TTC7A: variants seen among roughly 807,000 people sequenced by gnomAD.
The protein encoded by TTC7A is tetratricopeptide repeat protein 7A.
Under a neutral mutation model 103.7 loss-of-function variants are expected in TTC7A, and 110 were observed. The observed-to-expected ratio is 1.06, with a 90% CI of 0.91 to 1.24. The LOEUF is 1.24. Ranked by LOEUF, TTC7A falls within the 50% of genes most tolerant of loss-of-function variation. TTC7A has a pLI of 0.00. For synonymous variants in TTC7A, 521 were observed against 467.9 expected (o/e 1.11, Z -1.47); for missense variants, 1,340 against 1,116.3 (o/e 1.20, Z -2.86).
At chr2:46,995,521 T>C (rs17481037) in intron 8 of TTC7A, among the ~76,000 whole-genome samples, 26,061 of 152,178 alleles carry the variant, frequency 0.17, 2,428 homozygotes, top group Admixed American at 0.19. Context: ...CATAGCTGTG[T>C]GTTGGGTGCT....
intron 5 of TTC7A, among the ~76,000 whole-genome samples, chr2:46,988,157 TG>T (rs1175762730): frequency 6.6e-6 from 1 of 152,118 alleles, no homozygotes; most frequent in African/African-American, 2.4e-5. Context: ...GCACAGCCTT[TG>T]TCTACTCTTA....
intron 2 of TTC7A, among the ~76,000 whole-genome samples, chr2:46,919,572 TTACTA>T (rs1190875362): frequency 1.3e-5 from 2 of 152,214 alleles, no homozygotes; most frequent in Non-Finnish European, 2.9e-5. Flanking sequence ...TTATTTGTGA[TTACTA>T]TACATGAAAT....
chr2:47,067,841 G>T (rs1417811530), intron 19 of TTC7A: 1 of 152,070 alleles, frequency 6.6e-6, no homozygotes, highest in Non-Finnish European at 1.5e-5. Flanking sequence ...GCCGGGCCAT[G>T]TTCAGATGCT....
Position 47,007,884 on chromosome 2 carries a change from T to G in TTC7A, c.1287+1160T>G, listed in dbSNP as rs1558569763. Reference sequence around the variant, plus strand: ...GTGCTCAGCAGGGTCTTGTCAAGGCTCAGGGAGAATTCAGAACACAGGGCA... The same window carrying G: ...GTGCTCAGCAGGGTCTTGTCAAGGCGCAGGGAGAATTCAGAACACAGGGCA... On this transcript the variant is annotated intron_variant, in intron 10 of 19. Transcript: ENST00000319190. The surrounding 1 kb of genome is among the most constrained non-coding windows in gnomAD (Gnocchi z 4.9). 6.6e-6 allele frequency among the ~76,000 whole-genome samples: 1 copy of G among 152,188 alleles called. No individual in the cohort carries two copies. Among genetic ancestry groups the G allele is most frequent in the Admixed American group, 6.5e-5 (1 of 15,284 alleles).
chr2:46,976,487 T>C (rs767779031), intron 4 of TTC7A, among the ~76,000 whole-genome samples: 4 of 152,220 alleles, frequency 2.6e-5, no homozygotes, highest in Non-Finnish European at 5.9e-5. Flanking sequence ...GCCGAGAGAC[T>C]AAGAGCCCAG....
intron 10 of TTC7A, among the ~76,000 whole-genome samples, chr2:47,009,794 C>T (rs530815980): frequency 1.3e-5 from 2 of 151,540 alleles, no homozygotes; most frequent in East Asian, 3.9e-4. Context: ...ACCTGTAAAC[C>T]TGGAGGTCAC....
intron 19 of TTC7A, among the ~76,000 whole-genome samples, chr2:47,070,149 T>C (rs1190374445): frequency 2.0e-5 from 3 of 152,228 alleles, no homozygotes; most frequent in Admixed American, 1.3e-4. Context: ...ACTGAACTTA[T>C]GGGCTGGGAT....
At chr2:46,987,544 A>C (rs1675139317) in intron 5 of TTC7A, among the ~76,000 whole-genome samples, 1 of 152,212 alleles carries the variant, frequency 6.6e-6, no homozygotes, top group African/African-American at 2.4e-5. Flanking sequence ...TTTCTCTCTG[A>C]GTTGGTTTTT....
At chr2:46,974,010 G>A (rs1193385690) in intron 3 of TTC7A, among the ~76,000 whole-genome samples, 3 of 152,158 alleles carry the variant, frequency 2.0e-5, no homozygotes, top group Admixed American at 6.5e-5. Flanking sequence ...GGCAGCCCCC[G>A]CCTTGCCTGG....
intron 2 of TTC7A, among the ~76,000 whole-genome samples, chr2:46,952,538 G>C (rs1302632443): frequency 6.6e-6 from 1 of 152,210 alleles, no homozygotes; most frequent in African/African-American, 2.4e-5. Context: ...GATTGCTTGA[G>C]CCAGAAGTTT....
intron 2 of TTC7A, among the ~76,000 whole-genome samples, chr2:46,931,325 A>G (rs936494690): frequency 3.9e-5 from 6 of 152,350 alleles, no homozygotes; most frequent in South Asian, 2.1e-4. Flanking sequence ...GCCTCAAGCA[A>G]TCCTCTCGCC....
upstream of TTC7A, among the ~76,000 whole-genome samples, chr2:46,939,417 G>C (rs912846812): frequency 6.6e-6 from 1 of 152,156 alleles, no homozygotes; most frequent in African/African-American, 2.4e-5. Flanking sequence ...GCTGTGAAGG[G>C]GTCCGGCGTA....
At chr2:46,930,407 TA>T (rs1466466169) in intron 2 of TTC7A, among the ~76,000 whole-genome samples, 1 of 128,800 alleles carries the variant, frequency 7.8e-6, no homozygotes, top group Non-Finnish European at 1.7e-5. Flanking sequence ...GCCTAAAATG[TA>T]AAAAGCTAGA....
intron 16 of TTC7A, among the ~76,000 whole-genome samples, chr2:47,049,187 C>T (rs938378338): frequency 1.3e-5 from 2 of 152,202 alleles, no homozygotes; most frequent in Admixed American, 1.3e-4. Context: ...TGCTTCTATT[C>T]TCTAAGTTTC....
At chr2:46,945,095 A>G (rs150970342) in intron 1 of TTC7A, among the ~76,000 whole-genome samples, 5 of 152,138 alleles carry the variant, frequency 3.3e-5, no homozygotes, top group East Asian at 1.9e-4. Context: ...GCTTTATTAC[A>G]TATCTGTTCT....
chr2:46,927,591 A>C (rs969124268), intron 2 of TTC7A, among the ~76,000 whole-genome samples: 5 of 151,856 alleles, frequency 3.3e-5, no homozygotes, highest in African/African-American at 1.2e-4. Flanking sequence ...CAATCTCCTG[A>C]CCTCGTGATC....
intron 1 of TTC7A, among the ~76,000 whole-genome samples, chr2:46,945,950 C>T (rs1572687260): frequency 6.6e-6 from 1 of 152,182 alleles, no homozygotes; most frequent in African/African-American, 2.4e-5. Flanking sequence ...TGGTCTGAAT[C>T]CTGGCCTGGC....
intron 18 of TTC7A, chr2:47,054,094 C>T: frequency 1.0e-6 from 1 of 984,684 alleles, no homozygotes; most frequent in Non-Finnish European, 1.2e-6. Flanking sequence ...CTTAGATATT[C>T]ACTCCACAGA....
chr2:46,965,014 ACCG>A (rs1672717797), intron 3 of TTC7A, among the ~76,000 whole-genome samples: 2 of 152,162 alleles, frequency 1.3e-5, no homozygotes, highest in African/African-American at 2.4e-5. Flanking sequence ...TGATGCCCTG[ACCG>A]TGGTGCACAT....
Sources: gnomAD v4.1 joint callset for allele counts (sites outside exome capture counted in the v4.1 genomes callset) on GRCh38, gnomAD v4.1.1 for gene constraint, Gnocchi (gnomAD v3.1) non-coding constraint, MANE v1.5 for transcripts, NCBI Gene and HGNC (gene_info 2026-07-23, HGNC 2026-07-21) for gene names.